DSP: variants seen among roughly 807,000 people sequenced by gnomAD.
DSP encodes desmoplakin.
Under a neutral mutation model 290.6 loss-of-function variants are expected in DSP, and 114 were observed. That is an observed-to-expected ratio of 0.39 (90% CI 0.34 to 0.46). The LOEUF (loss-of-function observed/expected upper bound fraction) is 0.46, where lower values mean the gene tolerates loss of function less well. Among genes scored for constraint, DSP ranks in the 20% least tolerant of loss-of-function variants. The probability of loss-of-function intolerance (pLI) is 0.99; values close to 1 mark genes in which losing one functional copy is unlikely to be tolerated. For synonymous variants in DSP, 1,311 were observed against 1,316.4 expected (o/e 1.00, Z 0.09); for missense variants, 3,230 against 3,495.8 (o/e 0.92, Z 1.92).
At chr6:7,575,111 T>C (rs561828376) in intron 17 of DSP, among the ~76,000 whole-genome samples, 184 bp from the exon 18 acceptor site, 1 of 152,220 alleles carries the variant, frequency 6.6e-6, no homozygotes, top group African/African-American at 2.4e-5. Flanking sequence ...AGAACAAGAT[T>C]ATTGGAACAA....
Position 7,582,507 on chromosome 6 carries a change from G to A in DSP, c.5380-135G>A. ...AATAACAAGCTCACAGTGTATCCAG[G>A]GACAATATAGAAAGAAAAAATAAGC... On this transcript the variant is annotated intron_variant, in intron 23 of 23. Transcript: ENST00000379802. The surrounding 1 kb of genome is among the most constrained non-coding windows in gnomAD (Gnocchi z 4.2). 1 of 814,154 alleles carries A rather than the reference G, an allele frequency of 1.2e-6. No individual in the cohort carries two copies. Among genetic ancestry groups the A allele is most frequent in the Non-Finnish European group, 1.9e-6 (1 of 513,864 alleles). 50.4% of individuals were successfully genotyped at this position (814,154 alleles called of 1,614,324 possible). A position where few individuals can be genotyped will look rare whatever the true frequency, so the allele number is the denominator to read the frequency against.
Position 7,585,775 on chromosome 6 carries a change from G to A in DSP, c.8513G>A (p.Arg2838His), listed in dbSNP as rs930055191. The A allele has an allele frequency of 6.8e-6, 11 of 1,609,492 alleles. No homozygotes were observed. Among genetic ancestry groups the A allele is most frequent in the Non-Finnish European group, 9.3e-6 (11 of 1,178,288 alleles). The change falls in exon 24 of 24, where the codon CGC becomes CAC. Residue 2838 changes from arginine to histidine, a missense_variant. Transcript: ENST00000379802. Reference sequence around the variant, plus strand: ...CGCTCGGGATCTCGCTCCGGATCTCGCTCCGGGTCCCGCAGTGGGTCCCGG... The same window carrying A: ...CGCTCGGGATCTCGCTCCGGATCTCACTCCGGGTCCCGCAGTGGGTCCCGG... Reference protein sequence around the residue: ...GSRSGSRSGSRSGSRSGSRRG... With the variant: ...GSRSGSRSGSHSGSRSGSRRG...
intron 1 of DSP, among the ~76,000 whole-genome samples, chr6:7,545,078 A>C (rs1288165308): frequency 6.6e-6 from 1 of 152,154 alleles, no homozygotes; most frequent in Non-Finnish European, 1.5e-5. Context: ...TCTTTCTTTC[A>C]CCCATCAAAG....
At chr6:7,573,357 T>C (rs1395119633) in intron 15 of DSP, among the ~76,000 whole-genome samples, 1 of 151,972 alleles carries the variant, frequency 6.6e-6, no homozygotes, top group Non-Finnish European at 1.5e-5. Flanking sequence ...GGCGGGTGGA[T>C]CACAAGGTCA....
At position 7,579,556 on chromosome 6, in the gene DSP, G is replaced by A. The variant is rs1561697279; in HGVS notation, c.3366G>A (p.Lys1122=). The A allele has an allele frequency of 6.2e-7, 1 of 1,613,938 alleles. No homozygotes were observed. The highest frequency in any genetic ancestry group is 2.2e-5 in the East Asian group (1 of 44,880). Residue 1122 remains lysine (K), a synonymous_variant, in exon 23 of 24, where the codon AAG becomes AAA. Coordinates refer to ENST00000379802, the MANE Select transcript of DSP (RefSeq NM_004415.4). This position sits in a 1 kb window ranked among gnomAD's most constrained non-coding sequence, Gnocchi z 4.1. ...TRLTYEIEDE[K]RRRKSVEDRF... The stretch of plus-strand genomic sequence containing the variant: ...TGACTTATGAGATTGAAGATGAAAA[G>A]AGAAGAAGAAAATCTGTGGAAGACA...
At chr6:7,551,034 T>G (rs1254584004) in intron 1 of DSP, among the ~76,000 whole-genome samples, 1 of 152,122 alleles carries the variant, frequency 6.6e-6, no homozygotes, top group Non-Finnish European at 1.5e-5. Context: ...ATTATAGAAT[T>G]TTGCATTTTC....
In DSP at chr6:7,585,943, A is replaced by G; in HGVS notation, c.*65A>G. 1 of 1,516,368 alleles carries G rather than the reference A, an allele frequency of 6.6e-7. No homozygotes were observed. Among genetic ancestry groups the G allele is most frequent in the Non-Finnish European group, 9.1e-7 (1 of 1,101,272 alleles). The allele number at this position is 1,516,368 out of a possible 1,614,324, so 93.9% of individuals were successfully genotyped here. Reference sequence around the variant, plus strand: ...ATATGAATTTCCACTTTATTAAATAATAGAAAAGAAAATCCCGGTGCTTGC... The same window carrying G: ...ATATGAATTTCCACTTTATTAAATAGTAGAAAAGAAAATCCCGGTGCTTGC... On this transcript the variant is annotated 3_prime_UTR_variant, in exon 24 of 24. Transcript: ENST00000379802.
chr6:7,579,649 T>C lies in DSP; in HGVS notation c.3459T>C (p.Leu1153=), dbSNP rs1487461014. ...CAAGGCAATGTGAAAAGGAGAACCTTGGTTGGCAGAAATTAGAGTCTGAGA... is the reference window on the plus strand; with the variant it reads ...CAAGGCAATGTGAAAAGGAGAACCTCGGTTGGCAGAAATTAGAGTCTGAGA... ...QKARQCEKEN[L]GWQKLESEKA... Residue 1153 remains leucine, a synonymous_variant, in exon 23 of 24, where the codon CTT becomes CTC. Transcript: ENST00000379802. The surrounding 1 kb of genome is among the most constrained non-coding windows in gnomAD (Gnocchi z 4.1). The C allele has an allele frequency of 1.9e-6, 3 of 1,613,876 alleles. No individual in the cohort carries two copies. The highest frequency in any genetic ancestry group is 2.5e-6 in the Non-Finnish European group (3 of 1,179,972).
At chr6:7,543,511 G>A (rs528142029) in intron 1 of DSP, among the ~76,000 whole-genome samples, 1 of 149,868 alleles carries the variant, frequency 6.7e-6, no homozygotes, top group East Asian at 2.0e-4. Flanking sequence ...GCAATAGAAG[G>A]AATGAAAACT....
chr6:7,553,676 C>T (rs1426590077), intron 1 of DSP, among the ~76,000 whole-genome samples: 3 of 152,196 alleles, frequency 2.0e-5, no homozygotes, highest in African/African-American at 7.2e-5. Flanking sequence ...GCTTGTATCT[C>T]AGCAGTATGA....
Position 7,574,495 on chromosome 6 carries a change from G to A in DSP, c.2298-162G>A, listed in dbSNP as rs146252735. Among the ~76,000 whole-genome samples the A allele has an allele frequency of 2.1e-3, 320 of 152,188 alleles. 1 individual carries two copies. The highest frequency in any genetic ancestry group is 7.3e-3 in the African/African-American group (305 of 41,528). ...GGCCAGAACTTGAGAATTCTTCAGCGAATACAAAATGTTGGTCTGAATCAC... is the reference window on the plus strand; with the variant it reads ...GGCCAGAACTTGAGAATTCTTCAGCAAATACAAAATGTTGGTCTGAATCAC... On this transcript the variant is annotated intron_variant, in intron 16 of 23. Transcript: ENST00000379802.
chr6:7,546,713 C>T (rs1758182033), intron 1 of DSP, among the ~76,000 whole-genome samples: 1 of 152,162 alleles, frequency 6.6e-6, no homozygotes, highest in Non-Finnish European at 1.5e-5. Context: ...ATTCCTCAGT[C>T]TGCGTTCCTG....
At position 7,585,816 on chromosome 6, in the gene DSP, G is replaced by A; in HGVS notation, c.8554G>A (p.Ala2852Thr). The part of the protein sequence containing the change: ...RSGSRRGSFD[A>T]TGNSSYSYSY... ...TGGGTCCCGGAGAGGAAGCTTTGAC[G>A]CCACAGGGAATTCTTCCTACTCTTA... is the stretch of plus-strand genomic sequence containing the variant. The change falls in exon 24 of 24, where the codon GCC becomes ACC. Residue 2852 changes from alanine to threonine, a missense_variant. Coordinates refer to ENST00000379802, the MANE Select transcript of DSP (RefSeq NM_004415.4). 3 of 1,611,278 alleles carry A rather than the reference G, an allele frequency of 1.9e-6. No individual in the cohort carries two copies. Among genetic ancestry groups the A allele is most frequent in the Non-Finnish European group, 2.5e-6 (3 of 1,179,280 alleles).
At position 7,582,141 on chromosome 6, in the gene DSP, T is replaced by G. The variant is rs1195350114; in HGVS notation, c.5380-501T>G. The stretch of plus-strand genomic sequence containing the variant: ...CAATATTTGTGTGTGGCTGGGTTGG[T>G]GTGTGTGTGTGTGTGTGTGTGTGTG... On this transcript the variant is annotated intron_variant, in intron 23 of 23. Transcript: ENST00000379802. The surrounding 1 kb of genome is among the most constrained non-coding windows in gnomAD (Gnocchi z 4.2). Among the ~76,000 whole-genome samples, 6 of 14,248 alleles carry G rather than the reference T, an allele frequency of 4.2e-4. No individual in the cohort carries two copies. The highest frequency in any genetic ancestry group is 2.9e-3 in the East Asian group (2 of 690). The allele number at this position is 14,248 out of a possible 152,430, so 9.3% of individuals were successfully genotyped here. A position where few individuals can be genotyped will look rare whatever the true frequency, so the allele number is the denominator to read the frequency against.
At position 7,567,368 on chromosome 6, in the gene DSP, T is replaced by G; in HGVS notation, c.1059T>G (p.Thr353=). The change falls in exon 9 of 24, where the codon ACT becomes ACG. Residue 353 remains threonine (T), a synonymous_variant. Transcript: ENST00000379802. ...ASDKIEAYMD[T]LQTQWSWILQ... ...TCTTGTTTCAGGCCTATATGGACAC[T>G]CTGCAGACGCAGTGGAGTTGGATTC... The G allele has an allele frequency of 1.2e-6, 2 of 1,614,078 alleles. No individual in the cohort carries two copies. Among genetic ancestry groups the G allele is most frequent in the South Asian group, 2.2e-5 (2 of 91,088 alleles).
intron 20 of DSP, among the ~76,000 whole-genome samples, chr6:7,577,454 G>C (rs772513679): frequency 6.6e-6 from 1 of 152,102 alleles, no homozygotes; most frequent in Non-Finnish European, 1.5e-5. Context: ...TCAGCTTCCT[G>C]AGTAGCTGGG....
intron 15 of DSP, 72 bp downstream of exon 15, chr6:7,572,140 C>T (rs1759076539): frequency 1.5e-6 from 2 of 1,368,510 alleles, no homozygotes; most frequent in Non-Finnish European, 2.0e-6. Flanking sequence ...TAAAAAAAAT[C>T]CTGGTTTAAA....
At position 7,555,715 on chromosome 6, in the gene DSP, TA is replaced by T; in HGVS notation, c.171-2del. On this transcript the variant is annotated splice_acceptor_variant, in intron 1 of 23. Coordinates refer to ENST00000379802, the MANE Select transcript of DSP (RefSeq NM_004415.4). LOFTEE classifies it high-confidence loss of function. ...TCTGGTTTCTCTGTGTTTGCCTCCT[TA>T]GTCAAACCGGCACGATGTCCAGGCA... 3 of 1,613,502 alleles carry T rather than the reference TA, an allele frequency of 1.9e-6. No individual in the cohort carries two copies. The highest frequency in any genetic ancestry group is 2.5e-6 in the Non-Finnish European group (3 of 1,179,366).
At chr6:7,571,176 CAAAA>C (rs200091877) in intron 13 of DSP, among the ~76,000 whole-genome samples, 4 of 74,568 alleles carry the variant, frequency 5.4e-5, no homozygotes, top group African/African-American at 1.0e-4. Flanking sequence ...ATTCTGTAGG[CAAAA>C]AAAAAAAAAA....
Sources: gnomAD v4.1 joint callset for allele counts (sites outside exome capture counted in the v4.1 genomes callset) on GRCh38, gnomAD v4.1.1 for gene constraint, Gnocchi (gnomAD v3.1) non-coding constraint, MANE v1.5 for transcripts, NCBI Gene and HGNC (gene_info 2026-07-23, HGNC 2026-07-21) for gene names.